Variants in BACH1 observed in about 807,000 individuals in gnomAD.
BACH1 encodes the protein transcription regulator protein BACH1.
In BACH1, 35 loss-of-function variants were observed where a neutral mutation model predicts 52.9. That is an observed-to-expected ratio of 0.66 (90% CI 0.51 to 0.88). The LOEUF is 0.88. Among genes scored for constraint, BACH1 ranks in the 40% least tolerant of loss-of-function variants. The pLI, the probability that BACH1 is intolerant of heterozygous loss-of-function variation, is 0.00. For missense variants in BACH1, 808 were observed against 872.6 expected (o/e 0.93, Z 0.93); for synonymous variants, 321 against 319.6 (o/e 1.00, Z -0.05).
intron 4 of BACH1, among the ~76,000 whole-genome samples, chr21:29,331,730 A>T (rs1006094741): frequency 6.6e-6 from 1 of 152,172 alleles, no homozygotes; most frequent in Non-Finnish European, 1.5e-5. Flanking sequence ...TCGGAAAAAT[A>T]GGATAATACT....
chr21:29,349,468 C>T (rs536583464), downstream of BACH1, among the ~76,000 whole-genome samples: 11 of 152,322 alleles, frequency 7.2e-5, no homozygotes, highest in African/African-American at 2.6e-4. Flanking sequence ...CCCTGTGAAA[C>T]TGCTATGTTG....
intron 4 of BACH1, among the ~76,000 whole-genome samples, chr21:29,337,409 C>T (rs1429620812): frequency 5.9e-5 from 9 of 152,150 alleles, no homozygotes; most frequent in Non-Finnish European, 1.3e-4. Flanking sequence ...GTAAAAAGTA[C>T]ATTAGAAATC....
chr21:29,302,740 T>C (rs1330923071), intron 1 of BACH1, among the ~76,000 whole-genome samples: 2 of 152,206 alleles, frequency 1.3e-5, no homozygotes, highest in Non-Finnish European at 2.9e-5. Context: ...TACACAGTAG[T>C]GTTTTATAGC....
At chr21:29,352,207 A>G (rs2089206718) in intron 2 of BACH1, among the ~76,000 whole-genome samples, 1 of 152,018 alleles carries the variant, frequency 6.6e-6, no homozygotes, top group African/African-American at 2.4e-5. Context: ...GGTGTGCACC[A>G]CCACACCTGG....
At chr21:29,354,764 T>G (rs1448066268) in intron 2 of BACH1, among the ~76,000 whole-genome samples, 1 of 152,186 alleles carries the variant, frequency 6.6e-6, no homozygotes, top group Non-Finnish European at 1.5e-5. Context: ...TGTTGACATG[T>G]AAGACTTCTG....
chr21:29,308,843 G>T (rs570839101), intron 1 of BACH1, among the ~76,000 whole-genome samples: 15 of 152,282 alleles, frequency 9.9e-5, no homozygotes, highest in South Asian at 4.1e-4. Context: ...TCTTCTAGTT[G>T]TCCATATGTA....
At chr21:29,321,852 C>T (rs1262509340) in intron 2 of BACH1, among the ~76,000 whole-genome samples, 2 of 151,694 alleles carry the variant, frequency 1.3e-5, no homozygotes, top group Non-Finnish European at 1.5e-5. Context: ...CTTCTAGGGG[C>T]CCTTTCCAGT....
chr21:29,342,768 C>T lies in BACH1; in HGVS notation c.2146C>T (p.Arg716Cys), dbSNP rs373103751. 19 of 1,613,420 alleles carry T rather than the reference C, an allele frequency of 1.2e-5. No homozygotes were observed. In the African/African-American group the frequency reaches 1.2e-4, roughly 10 times the overall value. ...GCAAGCTGGGCCTGCGGAACAGTGT[C>T]GTCAGAGTGGTGGGATCTCAGATTT... is the stretch of plus-strand genomic sequence containing the variant. ...SEQAGPAEQC[R>C]QSGGISDFCQ... The change falls in exon 5 of 5, where the codon CGT becomes TGT. Residue 716 changes from arginine to cysteine, a missense_variant. By Grantham distance (180) the Arg-to-Cys change is radical. Coordinates refer to ENST00000286800, the MANE Select transcript of BACH1 (RefSeq NM_001186.4).
In BACH1 at chr21:29,343,098, T is replaced by A. The variant is rs1229525996; in HGVS notation, c.*265T>A. ...CTCATGTTTTAAAGAATAATAACTC[T>A]AGTAATAACTCTTCCTGCTATTCAG... On this transcript the variant is annotated 3_prime_UTR_variant, in exon 5 of 5. Coordinates refer to ENST00000286800, the MANE Select transcript of BACH1 (RefSeq NM_001186.4). 1 of 280,458 alleles carries A rather than the reference T, an allele frequency of 3.6e-6. No homozygotes were observed. Among genetic ancestry groups the A allele is most frequent in the Admixed American group, 4.7e-5 (1 of 21,400 alleles). 17.4% of individuals were successfully genotyped at this position (280,458 alleles called of 1,614,324 possible).
chr21:29,329,387 T>C lies in BACH1; in HGVS notation c.1570-100T>C, dbSNP rs2088954601. 4.1e-6 allele frequency: 4 copies of C among 982,970 alleles called. No homozygotes were observed. The South Asian group carries it at 9.1e-5, about 22-fold the overall frequency. 60.9% of individuals were successfully genotyped at this position (982,970 alleles called of 1,614,324 possible). ...GGCCTATGTTTTCTTTAATGTAAAATAAGTTCTCTGAAAAACTTAGATGTA... is the reference window on the plus strand; with the variant it reads ...GGCCTATGTTTTCTTTAATGTAAAACAAGTTCTCTGAAAAACTTAGATGTA... On this transcript the variant is annotated intron_variant, in intron 3 of 4. Coordinates refer to ENST00000286800, the MANE Select transcript of BACH1 (RefSeq NM_001186.4).
chr21:29,355,965 A>G (rs966301816), intron 2 of BACH1, among the ~76,000 whole-genome samples: 3 of 152,216 alleles, frequency 2.0e-5, no homozygotes, highest in African/African-American at 7.2e-5. Flanking sequence ...CTTTCTCAGC[A>G]GTGAGGAGGT....
At chr21:29,307,249 G>A (rs1391315044) in intron 1 of BACH1, among the ~76,000 whole-genome samples, 2 of 152,192 alleles carry the variant, frequency 1.3e-5, no homozygotes, top group Non-Finnish European at 2.9e-5. Flanking sequence ...CTGTCCCGTA[G>A]TTAGCTTATT....
At chr21:29,309,671 T>C (rs762928216) in intron 1 of BACH1, among the ~76,000 whole-genome samples, 2 of 152,234 alleles carry the variant, frequency 1.3e-5, no homozygotes, top group African/African-American at 2.4e-5. Context: ...TCATTTTATC[T>C]TGAGATCCTT....
chr21:29,302,053 G>A (rs2088609622), intron 1 of BACH1, among the ~76,000 whole-genome samples: 1 of 152,106 alleles, frequency 6.6e-6, no homozygotes, highest in South Asian at 2.1e-4. Context: ...TCTTCATAGT[G>A]CTGATCTCTC....
At chr21:29,358,066 G>A (rs917285363) in intron 2 of BACH1, among the ~76,000 whole-genome samples, 3 of 152,202 alleles carry the variant, frequency 2.0e-5, no homozygotes, top group Admixed American at 2.0e-4. Flanking sequence ...TGGAGTGACT[G>A]GAAGTGGGGA....
chr21:29,340,967 AT>A (rs1253503011), intron 4 of BACH1, among the ~76,000 whole-genome samples: 3 of 149,910 alleles, frequency 2.0e-5, no homozygotes, highest in East Asian at 1.9e-4. Flanking sequence ...ACCTACATCT[AT>A]TTAAAAAAAA....
At chr21:29,303,451 A>G (rs141223355) in intron 1 of BACH1, among the ~76,000 whole-genome samples, 3 of 152,342 alleles carry the variant, frequency 2.0e-5, no homozygotes, top group Non-Finnish European at 2.9e-5. Context: ...ATATGCGTTC[A>G]TTCTAGTTCT....
At position 29,342,993 on chromosome 21, in the gene BACH1, AT is replaced by A. The variant is rs1324378366; in HGVS notation, c.*163del. ...TTAAGTCAACCATGATTTCTCCTTGATTTCTACAAGAGACAAAGAAATGATT... is the reference window on the plus strand; with the variant it reads ...TTAAGTCAACCATGATTTCTCCTTGATTCTACAAGAGACAAAGAAATGATT... On this transcript the variant is annotated 3_prime_UTR_variant, in exon 5 of 5. Transcript: ENST00000286800. 3 of 689,554 alleles carry A rather than the reference AT, an allele frequency of 4.4e-6. No individual in the cohort carries two copies. In the African/African-American group the frequency reaches 5.4e-5, roughly 12 times the overall value. 42.7% of individuals were successfully genotyped at this position (689,554 alleles called of 1,614,324 possible). A position where few individuals can be genotyped will look rare whatever the true frequency, so the allele number is the denominator to read the frequency against.
At chr21:29,359,167 G>A (rs527432619) in intron 2 of BACH1, 1 of 151,888 alleles carries the variant, frequency 6.6e-6, no homozygotes, top group South Asian at 2.1e-4. Context: ...CTTTAGAAAT[G>A]GAAAAAAGCA....
Sources: gnomAD v4.1 joint callset for allele counts (sites outside exome capture counted in the v4.1 genomes callset) on GRCh38, gnomAD v4.1.1 for gene constraint, MANE v1.5 for transcripts, NCBI Gene and HGNC (gene_info 2026-07-23, HGNC 2026-07-21) for gene names.